CD82: variants seen among roughly 807,000 people sequenced by gnomAD.
CD82 encodes CD82 molecule.
A neutral mutation model predicts 37.4 loss-of-function variants in CD82; 36 were observed. That is an observed-to-expected ratio of 0.96 (90% CI 0.74 to 1.27). CD82 has a LOEUF of 1.27. Ranked by LOEUF, CD82 falls within the 50% of genes most tolerant of loss-of-function variation. The pLI, the probability that CD82 is intolerant of heterozygous loss-of-function variation, is 0.00. For missense variants in CD82, 340 were observed against 347.0 expected (o/e 0.98, Z 0.16); for synonymous variants, 158 against 137.4 (o/e 1.15, Z -1.05).
At chr11:44,615,232 T>C (rs1368963309) in intron 6 of CD82, 40 bp from the exon 7 acceptor site, 2 of 1,396,294 alleles carry the variant, frequency 1.4e-6, no homozygotes, top group Non-Finnish European at 2.0e-6. Flanking sequence ...GGCACGGGTT[T>C]CAGGAAATCT....
intron 1 of CD82, 167 bp from the exon 2 acceptor site, chr11:44,587,308 A>G (rs1028675361): frequency 7.4e-6 from 3 of 402,864 alleles, no homozygotes; most frequent in Non-Finnish European, 1.5e-5. Context: ...GGACAACAGG[A>G]AAGAGGCTAC....
chr11:44,598,761 G>A (rs932690338), intron 3 of CD82, among the ~76,000 whole-genome samples: 1 of 152,196 alleles, frequency 6.6e-6, no homozygotes, highest in Non-Finnish European at 1.5e-5. Context: ...TGATTCTGAT[G>A]GAGACCCTGT....
At chr11:44,583,619 GA>G in intron 1 of CD82, among the ~76,000 whole-genome samples, 1 of 152,322 alleles carries the variant, frequency 6.6e-6, no homozygotes, top group Non-Finnish European at 1.5e-5. Flanking sequence ...AGGTGAAGAT[GA>G]AAGAGCTTTC....
chr11:44,586,678 T>C (rs1213146755), intron 1 of CD82, among the ~76,000 whole-genome samples: 1 of 152,102 alleles, frequency 6.6e-6, no homozygotes, highest in Non-Finnish European at 1.5e-5. Context: ...ATATACATTT[T>C]AAAAAATCCT....
intron 5 of CD82, 67 bp downstream of exon 5, chr11:44,605,249 C>T (rs1590344921): frequency 3.1e-6 from 5 of 1,606,602 alleles, no homozygotes; most frequent in Non-Finnish European, 4.3e-6. Context: ...AGCCTGACCG[C>T]GGCGCTGGCC....
chr11:44,602,052 T>C (rs533399407), intron 4 of CD82, among the ~76,000 whole-genome samples: 76 of 152,246 alleles, frequency 5.0e-4, no homozygotes, highest in African/African-American at 1.7e-3. Context: ...GAGGAGGAAA[T>C]TGAAGCACAG....
chr11:44,572,273 C>A (rs566922263), intron 1 of CD82, among the ~76,000 whole-genome samples: 11 of 152,188 alleles, frequency 7.2e-5, no homozygotes, highest in African/African-American at 2.4e-4. Context: ...CTACATGTAA[C>A]GTACCCGTTA....
At chr11:44,594,609 C>A (rs1327288968) in intron 2 of CD82, 34 bp from the exon 3 acceptor site, 1 of 1,351,132 alleles carries the variant, frequency 7.4e-7, no homozygotes, top group Non-Finnish European at 1.1e-6. Flanking sequence ...CTGAGCTGAT[C>A]CCCTCACTGG....
At position 44,600,166 on chromosome 11, in the gene CD82, C is replaced by G; in HGVS notation, c.72C>G (p.Gly24=). Residue 24 remains glycine, a synonymous_variant, in exon 4 of 10, where the codon GGC becomes GGG. Transcript: ENST00000227155. ...FLFNLIFFIL[G]AVILGFGVWI... ...CTCCCTTCTCCTTCCAGATCCTGGG[C>G]GCAGTGATCCTGGGCTTCGGGGTGT... 6.2e-7 allele frequency: 1 copy of G among 1,614,020 alleles called. No individual in the cohort carries two copies. Among genetic ancestry groups the G allele is most frequent in the Non-Finnish European group, 8.5e-7 (1 of 1,179,924 alleles).
chr11:44,579,547 C>T (rs536270981), intron 1 of CD82, among the ~76,000 whole-genome samples: 4 of 152,220 alleles, frequency 2.6e-5, no homozygotes, highest in East Asian at 1.9e-4. Flanking sequence ...CTCTCTGTCC[C>T]GGCCTCTCTC....
rs575117620 is a variant in CD82 at position 44,596,453 on chromosome 11, A to T, written c.63+1728A>T. 6.6e-5 allele frequency among the ~76,000 whole-genome samples: 10 copies of T among 152,328 alleles called. No homozygotes were observed. The East Asian group carries it at 1.9e-3, about 29-fold the overall frequency. ...TTCAGTGATAAAGAAACTTTCCTTCATGCAGTGGGGGTTGGGGAGACCCTC... is the reference window on the plus strand; with the variant it reads ...TTCAGTGATAAAGAAACTTTCCTTCTTGCAGTGGGGGTTGGGGAGACCCTC... On this transcript the variant is annotated intron_variant, in intron 3 of 9. Coordinates refer to ENST00000227155, the MANE Select transcript of CD82 (RefSeq NM_002231.4).
At chr11:44,570,470 G>A (rs776337988) in intron 1 of CD82, among the ~76,000 whole-genome samples, 7 of 152,222 alleles carry the variant, frequency 4.6e-5, no homozygotes, top group African/African-American at 7.2e-5. Flanking sequence ...CTTGGGGATC[G>A]ATGACTGAAT....
chr11:44,573,214 A>C (rs1590325507), intron 1 of CD82: 1 of 91,970 alleles, frequency 1.1e-5, no homozygotes, highest in African/African-American at 3.8e-5. Context: ...TGTACACATA[A>C]ACCGTTTTGA....
intron 6 of CD82, among the ~76,000 whole-genome samples, chr11:44,610,790 T>C (rs1487311486): frequency 1.3e-5 from 2 of 152,198 alleles, no homozygotes; most frequent in Non-Finnish European, 2.9e-5. Context: ...ATTCAACCTA[T>C]GCAGTCACAC....
At chr11:44,566,915 C>G (rs1852744247) in intron 1 of CD82, among the ~76,000 whole-genome samples, 1 of 152,102 alleles carries the variant, frequency 6.6e-6, no homozygotes, top group Non-Finnish European at 1.5e-5. Context: ...TCATCTGGAA[C>G]AAAGAGTGGC....
intron 6 of CD82, among the ~76,000 whole-genome samples, chr11:44,606,003 G>C (rs568304010): frequency 1.1e-4 from 16 of 152,340 alleles, no homozygotes; most frequent in African/African-American, 3.6e-4. Context: ...AAGGACATCT[G>C]TGGTTGACTT....
At chr11:44,564,842 A>C (rs1218844740), upstream of CD82, among the ~76,000 whole-genome samples, 1 of 152,196 alleles carries the variant, frequency 6.6e-6, no homozygotes, top group Non-Finnish European at 1.5e-5. Context: ...CGCCTCCATG[A>C]GATTCAGAGC....
intron 2 of CD82, 58 bp downstream of exon 2, chr11:44,587,614 C>T (rs1166578755): frequency 2.2e-5 from 10 of 455,322 alleles, no homozygotes; most frequent in African/African-American, 8.0e-5. Context: ...GGCTGTGAGG[C>T]GAGGAAGGTG....
intron 1 of CD82, among the ~76,000 whole-genome samples, chr11:44,572,390 C>A (rs1369575988): frequency 6.6e-6 from 1 of 152,198 alleles, no homozygotes; most frequent in Non-Finnish European, 1.5e-5. Flanking sequence ...CAAGAAAAAA[C>A]CCATTCATAC....
Sources: gnomAD v4.1 joint callset for allele counts (sites outside exome capture counted in the v4.1 genomes callset) on GRCh38, gnomAD v4.1.1 for gene constraint, MANE v1.5 for transcripts, NCBI Gene and HGNC (gene_info 2026-07-23, HGNC 2026-07-21) for gene names.